The following GSAP variants were observed in gnomAD, a reference collection of about 807,000 sequenced individuals.
GSAP encodes gamma-secretase-activating protein.
Under a neutral mutation model 131.7 loss-of-function variants are expected in GSAP, and 118 were observed. The ratio of observed to expected loss-of-function variants is 0.90; its 90% CI spans 0.77 to 1.04. GSAP has a LOEUF of 1.04. Ranked by LOEUF, GSAP falls within the 50% of genes least tolerant of loss-of-function variation. The probability of loss-of-function intolerance (pLI) is 0.00; values close to 1 mark genes in which losing one functional copy is unlikely to be tolerated. For missense variants in GSAP, 1,019 were observed against 1,013.2 expected (o/e 1.01, Z -0.08); for synonymous variants, 381 against 363.4 (o/e 1.05, Z -0.55).
chr7:77,398,608 GT>G (rs1315966491), intron 3 of GSAP, among the ~76,000 whole-genome samples: 1 of 152,010 alleles, frequency 6.6e-6, no homozygotes, highest in African/African-American at 2.4e-5. Flanking sequence ...CTCTACAAAA[GT>G]TTTTAAAAAA....
At chr7:77,411,813 C>G (rs903727922) in intron 1 of GSAP, among the ~76,000 whole-genome samples, 2 of 152,144 alleles carry the variant, frequency 1.3e-5, no homozygotes, top group South Asian at 4.1e-4. Flanking sequence ...AGTTAAGACA[C>G]TCGTGAAGAA....
chr7:77,403,110 C>A (rs1291720532), intron 3 of GSAP, among the ~76,000 whole-genome samples: 2 of 152,202 alleles, frequency 1.3e-5, no homozygotes, highest in Admixed American at 6.5e-5. Context: ...ACTGGATTGA[C>A]AGAAGACAGA....
At chr7:77,380,793 TATATATGGTATAA>T (rs1396432769) in intron 8 of GSAP, among the ~76,000 whole-genome samples, 2 of 152,214 alleles carry the variant, frequency 1.3e-5, no homozygotes, top group Admixed American at 6.5e-5. Context: ...AGTATGATTG[TATATATGGTATAA>T]ATATATGGTA....
rs768126675 is a variant in GSAP at position 77,321,341 on chromosome 7, A to G, written c.1986T>C (p.Val662=). 11 of 1,589,162 alleles carry G rather than the reference A, an allele frequency of 6.9e-6. No homozygotes were observed. Among genetic ancestry groups the G allele is most frequent in the Non-Finnish European group, 9.5e-6 (11 of 1,157,326 alleles). ...NWRKHNLHSW[V]LHFNSRGSAA... The stretch of plus-strand genomic sequence containing the variant: ...GAGAAATACTTGCGTACAAGTGGAG[A>G]ACCCAGGAATGAAGATTATGTTTCC... The change falls in exon 25 of 31, where the codon GTT becomes GTC. Residue 662 remains valine, a synonymous_variant. Transcript: ENST00000257626.
upstream of GSAP, chr7:77,416,562 G>A (rs1804508777): frequency 5.4e-6 from 2 of 372,308 alleles, no homozygotes; most frequent in African/African-American, 2.1e-5. Flanking sequence ...GGGGCGGGGT[G>A]GACCAGGCGC....
At chr7:77,355,784 C>T in intron 14 of GSAP, 137 bp from the exon 15 acceptor site, 1 of 348,298 alleles carries the variant, frequency 2.9e-6, no homozygotes, top group Non-Finnish European at 4.8e-6. Context: ...CTAATGACAG[C>T]CCGTTTTTTT....
intron 3 of GSAP, among the ~76,000 whole-genome samples, chr7:77,399,918 G>C (rs1184218410): frequency 6.6e-6 from 1 of 152,086 alleles, no homozygotes; most frequent in Non-Finnish European, 1.5e-5. Flanking sequence ...CCTAGACTCA[G>C]AGCTAAAGAG....
chr7:77,317,355 C>T (rs1245132109), intron 26 of GSAP, among the ~76,000 whole-genome samples: 1 of 140,674 alleles, frequency 7.1e-6, no homozygotes, highest in African/African-American at 2.7e-5. Flanking sequence ...TGGGGGGGAA[C>T]ATCACACACT....
At position 77,376,922 on chromosome 7, in the gene GSAP, A is replaced by C; in HGVS notation, c.682-15T>G. 1 of 1,335,420 alleles carries C rather than the reference A, an allele frequency of 7.5e-7. No homozygotes were observed. The highest frequency in any genetic ancestry group is 2.4e-5 in the East Asian group (1 of 41,210). 82.7% of individuals were successfully genotyped at this position (1,335,420 alleles called of 1,614,324 possible). ...CTCCTTGATTTCTAAAAGAGAAAAC[A>C]GAATGGCATATTAAAAAACCAGGAA... On this transcript the variant is annotated splice_polypyrimidine_tract_variant and intron_variant, in intron 9 of 30. Transcript: ENST00000257626.
intron 18 of GSAP, among the ~76,000 whole-genome samples, chr7:77,352,652 C>T (rs1293597159): frequency 6.6e-6 from 1 of 152,176 alleles, no homozygotes; most frequent in African/African-American, 2.4e-5. Context: ...CCACTCTAGT[C>T]ACTTAGAAAA....
chr7:77,390,421 T>G (rs963917791), intron 5 of GSAP, among the ~76,000 whole-genome samples: 3 of 152,226 alleles, frequency 2.0e-5, no homozygotes, highest in African/African-American at 7.2e-5. Context: ...GTTTTAGGTC[T>G]TACATTTAAG....
intron 22 of GSAP, 106 bp from the exon 23 acceptor site, chr7:77,326,379 C>T (rs545681422): frequency 4.6e-4 from 332 of 728,598 alleles, no homozygotes; most frequent in Non-Finnish European, 7.0e-4. Context: ...ATTGAGAAAA[C>T]ATAACACAGG....
At chr7:77,388,375 A>G (rs891493886) in intron 5 of GSAP, among the ~76,000 whole-genome samples, 1 of 152,250 alleles carries the variant, frequency 6.6e-6, no homozygotes, top group Non-Finnish European at 1.5e-5. Flanking sequence ...GACAGTATCT[A>G]TCATTAGGAC....
chr7:77,389,273 A>G (rs1203339648), intron 5 of GSAP, among the ~76,000 whole-genome samples: 1 of 150,270 alleles, frequency 6.7e-6, no homozygotes, highest in Non-Finnish European at 1.5e-5. Flanking sequence ...TTTTTGACCT[A>G]AAAGTATGTG....
rs761644823 is a variant in GSAP at position 77,374,129 on chromosome 7, T to C, written c.812A>G (p.His271Arg). 3.1e-6 allele frequency: 5 copies of C among 1,589,704 alleles called. No homozygotes were observed. The highest frequency in any genetic ancestry group is 8.6e-7 in the Non-Finnish European group (1 of 1,161,270). ...FKLVNFGCDY[H>R]QYRDKFSKHL... ...TTTGGAAAATTTATCTCGGTATTGA[T>C]GATAATCACATCCAAAGTTGACAAG... Residue 271 changes from histidine (H) to arginine (R), a missense_variant, in exon 12 of 31, where the codon CAT becomes CGT. Coordinates refer to ENST00000257626, the MANE Select transcript of GSAP (RefSeq NM_017439.4).
chr7:77,382,252 C>A (rs1351251415), intron 7 of GSAP, among the ~76,000 whole-genome samples: 1 of 151,960 alleles, frequency 6.6e-6, no homozygotes, highest in East Asian at 1.9e-4. Flanking sequence ...TGACAGACAT[C>A]CAAAAGACAG....
intron 26 of GSAP, among the ~76,000 whole-genome samples, chr7:77,317,348 G>C (rs554351737): frequency 7.6e-6 from 1 of 131,918 alleles, no homozygotes; most frequent in Admixed American, 7.9e-5. Flanking sequence ...CAAGGGTTGG[G>C]GGGGAACATC....
At chr7:77,340,637 C>T (rs1030400047) in intron 19 of GSAP, among the ~76,000 whole-genome samples, 8 of 152,180 alleles carry the variant, frequency 5.3e-5, no homozygotes, top group Non-Finnish European at 8.8e-5. Flanking sequence ...TCCGTGGACC[C>T]AAAACTCCGG....
chr7:77,351,645 T>C (rs1487344594), intron 18 of GSAP: 7 of 985,622 alleles, frequency 7.1e-6, no homozygotes, highest in Non-Finnish European at 3.6e-6. Flanking sequence ...GACTTCCTGA[T>C]GTCACCCTGT....
Sources: gnomAD v4.1 joint callset for allele counts (sites outside exome capture counted in the v4.1 genomes callset) on GRCh38, gnomAD v4.1.1 for gene constraint, MANE v1.5 for transcripts, NCBI Gene and HGNC (gene_info 2026-07-23, HGNC 2026-07-21) for gene names.